MITF: variants seen among roughly 807,000 people sequenced by gnomAD.
MITF encodes melanocyte inducing transcription factor, also known as microphthalmia-associated transcription factor.
Under a neutral mutation model 60.5 loss-of-function variants are expected in MITF, and 17 were observed. That is an observed-to-expected ratio of 0.28 (90% CI 0.19 to 0.42). MITF has a LOEUF of 0.42. Among genes scored for constraint, MITF ranks in the 10% least tolerant of loss-of-function variants. The probability of loss-of-function intolerance (pLI) is 1.00; values close to 1 mark genes in which losing one functional copy is unlikely to be tolerated. For missense variants in MITF, 622 were observed against 683.5 expected (o/e 0.91, Z 1.00); for synonymous variants, 260 against 248.5 (o/e 1.05, Z -0.43).
intron 1 of MITF, among the ~76,000 whole-genome samples, chr3:69,845,442 C>CTTTTTTTTTTTTTTTTTTTTTTT (rs751773040): frequency 1.5e-5 from 2 of 136,810 alleles, no homozygotes; most frequent in Non-Finnish European, 3.1e-5. Context: ...TTTTTTCTTT[C>CTTTTTTTTTTTTTTTTTTTTTTT]TTTTTTTTTT....
intron 1 of MITF, among the ~76,000 whole-genome samples, chr3:69,822,263 G>A (rs1179663630): frequency 6.6e-6 from 1 of 152,114 alleles, no homozygotes; most frequent in Non-Finnish European, 1.5e-5. Context: ...AAGAACATGT[G>A]GTAGACATCA....
chr3:69,865,285 G>T lies in MITF; in HGVS notation c.105-13849G>T, dbSNP rs1232654184. On this transcript the variant is annotated intron_variant, in intron 1 of 9. Coordinates refer to ENST00000352241, the MANE Select transcript of MITF (RefSeq NM_001354604.2). Reference sequence around the variant, plus strand: ...CCATTTACTTTGGAGATAAATGTAGGCACAGAGAGGTGAAGTAACTTGCCC... The same window carrying T: ...CCATTTACTTTGGAGATAAATGTAGTCACAGAGAGGTGAAGTAACTTGCCC... 2.6e-5 allele frequency among the ~76,000 whole-genome samples: 4 copies of T among 152,184 alleles called. No homozygotes were observed. The East Asian group carries it at 7.7e-4, about 29-fold the overall frequency.
At chr3:69,827,846 T>C (rs2063381621) in intron 1 of MITF, among the ~76,000 whole-genome samples, 1 of 152,156 alleles carries the variant, frequency 6.6e-6, no homozygotes. Context: ...GATGACTTCC[T>C]GTTTCTCAGA....
intron 1 of MITF, among the ~76,000 whole-genome samples, chr3:69,789,734 T>A (rs542227454): frequency 2.1e-4 from 32 of 152,242 alleles, no homozygotes; most frequent in African/African-American, 7.5e-4. Context: ...CACACACCTG[T>A]AGTCCCACAT....
In MITF at chr3:69,964,869, C is replaced by G; in HGVS notation, c.1202C>G (p.Ala401Gly). ...RIQELEMQAR[A>G]HGLSLIPSTG... ...TAGGAACTTGAAATGCAGGCTCGAG[C>G]TCATGGACTTTCCCTTATTCCATCC... The change falls in exon 10 of 10, where the codon GCT becomes GGT. Residue 401 changes from alanine to glycine, a missense_variant. Transcript: ENST00000352241. 1.9e-6 allele frequency: 3 copies of G among 1,614,086 alleles called. No individual in the cohort carries two copies. The South Asian group carries it at 3.3e-5, about 18-fold the overall frequency.
intron 2 of MITF, among the ~76,000 whole-genome samples, chr3:69,918,610 G>T (rs1415857768): frequency 2.0e-5 from 3 of 152,158 alleles, no homozygotes; most frequent in Non-Finnish European, 4.4e-5. Flanking sequence ...TCAGATCTCT[G>T]GTTATATGAA....
intron 1 of MITF, among the ~76,000 whole-genome samples, chr3:69,845,442 C>CTTTTTTTTTTTTTTTTTTTTTTTTT (rs751773040): frequency 4.4e-5 from 6 of 136,808 alleles, no homozygotes; most frequent in East Asian, 2.1e-4. Context: ...TTTTTTCTTT[C>CTTTTTTTTTTTTTTTTTTTTTTTTT]TTTTTTTTTT....
intron 1 of MITF, among the ~76,000 whole-genome samples, chr3:69,772,861 T>C (rs1048902177): frequency 6.6e-6 from 1 of 152,128 alleles, no homozygotes; most frequent in Non-Finnish European, 1.5e-5. Context: ...TTTCAGGAAG[T>C]TGTCTAGGTA....
intron 2 of MITF, among the ~76,000 whole-genome samples, chr3:69,909,583 A>G (rs1301533652): frequency 2.0e-5 from 3 of 152,032 alleles, no homozygotes; most frequent in Admixed American, 1.3e-4. Context: ...TGATAGTGAT[A>G]TGAACAATAA....
chr3:69,806,832 C>T (rs542633803), intron 1 of MITF, among the ~76,000 whole-genome samples: 19 of 152,244 alleles, frequency 1.2e-4, no homozygotes, highest in African/African-American at 4.1e-4. Flanking sequence ...ACTTGAGACT[C>T]TGTGGGCCTA....
intron 2 of MITF, among the ~76,000 whole-genome samples, chr3:69,903,341 G>GTTTAGA (rs1319097595): frequency 6.6e-6 from 1 of 152,118 alleles, no homozygotes; most frequent in Non-Finnish European, 1.5e-5. Flanking sequence ...TAGAACATTA[G>GTTTAGA]ATCAATGAGC....
chr3:69,954,104 G>A (rs186937223), intron 7 of MITF, among the ~76,000 whole-genome samples: 1 of 151,958 alleles, frequency 6.6e-6, no homozygotes, highest in Non-Finnish European at 1.5e-5. Context: ...TAAATGATTG[G>A]AAAGGGAAGT....
intron 9 of MITF, among the ~76,000 whole-genome samples, chr3:69,961,735 CAAAA>C (rs926426022): frequency 2.6e-5 from 4 of 151,674 alleles, no homozygotes; most frequent in African/African-American, 9.7e-5. Context: ...AAAAAACAAA[CAAAA>C]AAAAGCAGCT....
chr3:69,929,010 G>A (rs973706408), intron 2 of MITF, among the ~76,000 whole-genome samples: 1 of 152,194 alleles, frequency 6.6e-6, no homozygotes, highest in Non-Finnish European at 1.5e-5. Flanking sequence ...GTGGCAGGCT[G>A]TGAATCAACT....
rs79372705 is a variant in MITF at position 69,866,523 on chromosome 3, G to A, written c.105-12611G>A. On this transcript the variant is annotated intron_variant, in intron 1 of 9. Coordinates refer to ENST00000352241, the MANE Select transcript of MITF (RefSeq NM_001354604.2). ...GCTGTAACCTCTGGTAGGTGGCTAT[G>A]ACAAGGATAACAACTAATTTGGGGG... Among the ~76,000 whole-genome samples, 566 of 115,536 alleles carry A rather than the reference G, an allele frequency of 4.9e-3. 1 individual carries two copies. The highest frequency in any genetic ancestry group is 9.1e-3 in the Middle Eastern group (1 of 110). The allele number at this position is 115,536 out of a possible 152,430, so 75.8% of individuals were successfully genotyped here.
chr3:69,859,398 C>T (rs1438354200), intron 1 of MITF, among the ~76,000 whole-genome samples: 1 of 152,192 alleles, frequency 6.6e-6, no homozygotes, highest in East Asian at 1.9e-4. Flanking sequence ...TATGAATAGA[C>T]TATAAAATCT....
intron 9 of MITF, 24 bp from the exon 10 acceptor site, chr3:69,964,823 G>A (rs755420934): frequency 1.2e-6 from 2 of 1,612,986 alleles, no homozygotes; most frequent in Admixed American, 1.7e-5. Context: ...CTATTTCAGT[G>A]TTTTATCTTT....
chr3:69,912,353 T>C (rs2065242561), intron 2 of MITF, among the ~76,000 whole-genome samples: 1 of 152,170 alleles, frequency 6.6e-6, no homozygotes, highest in Admixed American at 6.5e-5. Flanking sequence ...TTTTGGTTTT[T>C]TTTCATTCTG....
chr3:69,850,979 G>A (rs2063814809), intron 1 of MITF, among the ~76,000 whole-genome samples: 1 of 152,116 alleles, frequency 6.6e-6, no homozygotes. Flanking sequence ...AGTACAGTAG[G>A]TCAGATAAAA....
Sources: gnomAD v4.1 joint callset for allele counts (sites outside exome capture counted in the v4.1 genomes callset) on GRCh38, gnomAD v4.1.1 for gene constraint, MANE v1.5 for transcripts, NCBI Gene and HGNC (gene_info 2026-07-23, HGNC 2026-07-21) for gene names.